Variants in ZNF609 observed in about 807,000 individuals in gnomAD.
ZNF609 encodes the protein zinc finger protein 609.
A neutral mutation model predicts 109.5 loss-of-function variants in ZNF609; 11 were observed. The observed-to-expected ratio is 0.10, with a 90% confidence interval of 0.06 to 0.17. ZNF609 has a LOEUF of 0.17. Ranked by LOEUF, ZNF609 falls within the 10% of genes least tolerant of loss-of-function variation. ZNF609 has a pLI of 1.00. For synonymous variants in ZNF609, 646 were observed against 662.0 expected, an observed-to-expected ratio of 0.98 and a Z score of 0.37; for missense variants, 1,559 against 1,772.4, an observed-to-expected ratio of 0.88 and a Z score of 2.16.
intron 4 of ZNF609, 26 bp from the exon 5 acceptor site, chr15:64,673,890 T>A (rs1415193095): frequency 6.3e-7 from 1 of 1,590,480 alleles, no homozygotes; most frequent in African/African-American, 1.3e-5. Context: ...CTTAATAATA[T>A]TCTGTTGTGT....
intron 2 of ZNF609, among the ~76,000 whole-genome samples, chr15:64,532,395 T>G (rs943074682): frequency 6.6e-6 from 1 of 152,228 alleles, no homozygotes. Context: ...TTTGTTTTGC[T>G]TTGTGAATCT....
intron 2 of ZNF609, among the ~76,000 whole-genome samples, chr15:64,604,394 A>G (rs1040159184): frequency 3.3e-5 from 5 of 152,104 alleles, no homozygotes; most frequent in Non-Finnish European, 1.5e-5. Context: ...GCCTTTTATG[A>G]TATTCTTGAT....
At chr15:64,664,777 C>G (rs916842954) in intron 3 of ZNF609, among the ~76,000 whole-genome samples, 1 of 152,156 alleles carries the variant, frequency 6.6e-6, no homozygotes, top group Non-Finnish European at 1.5e-5. Flanking sequence ...TTTCCAGCAC[C>G]TTGTTTGACC....
At chr15:64,671,579 C>A (rs1278838935) in intron 4 of ZNF609, among the ~76,000 whole-genome samples, 2 of 152,122 alleles carry the variant, frequency 1.3e-5, no homozygotes, top group African/African-American at 4.8e-5. Context: ...TTTCATGTCG[C>A]AATTTGACCT....
intron 1 of ZNF609, among the ~76,000 whole-genome samples, chr15:64,465,984 T>C (rs1334576811): frequency 6.6e-6 from 1 of 151,646 alleles, no homozygotes; most frequent in Non-Finnish European, 1.5e-5. Context: ...GGCTTGGTGG[T>C]GCACTCCTGT....
intron 2 of ZNF609, among the ~76,000 whole-genome samples, chr15:64,504,654 T>TA (rs1893607985): frequency 2.0e-5 from 3 of 150,746 alleles, no homozygotes; most frequent in African/African-American, 7.3e-5. Context: ...TTTTTTTTTT[T>TA]AATTTTAGTA....
intron 2 of ZNF609, among the ~76,000 whole-genome samples, chr15:64,545,927 C>T (rs968848675): frequency 3.3e-5 from 5 of 152,148 alleles, no homozygotes; most frequent in Non-Finnish European, 7.3e-5. Context: ...TGGATCATTT[C>T]CAACTTCTGG....
chr15:64,534,633 C>T (rs767824376), intron 2 of ZNF609, among the ~76,000 whole-genome samples: 3 of 151,508 alleles, frequency 2.0e-5, no homozygotes, highest in Non-Finnish European at 4.4e-5. Context: ...TTTTTTATAC[C>T]ATACCCACTT....
At chr15:64,504,642 T>G (rs1370063526) in intron 2 of ZNF609, among the ~76,000 whole-genome samples, 3 of 151,568 alleles carry the variant, frequency 2.0e-5, no homozygotes, top group East Asian at 1.9e-4. Context: ...GCTAGTTTTT[T>G]TTTTTTTTTT....
intron 2 of ZNF609, among the ~76,000 whole-genome samples, chr15:64,549,184 GT>G (rs1292279924): frequency 6.6e-6 from 1 of 151,968 alleles, no homozygotes; most frequent in Non-Finnish European, 1.5e-5. Flanking sequence ...GTTTGTTTTG[GT>G]TTTGGTTTGG....
chr15:64,666,361 T>G (rs563985596), intron 3 of ZNF609, among the ~76,000 whole-genome samples: 1 of 152,226 alleles, frequency 6.6e-6, no homozygotes, highest in African/African-American at 2.4e-5. Context: ...ACTACTGCAC[T>G]CTAGCTTGGA....
intron 3 of ZNF609, among the ~76,000 whole-genome samples, chr15:64,628,686 C>T (rs1181736985): frequency 4.6e-5 from 7 of 152,076 alleles, no homozygotes; most frequent in African/African-American, 9.7e-5. Flanking sequence ...AGTGCAATGG[C>T]GTGATCTCGG....
At chr15:64,657,806 C>A (rs1001263785) in intron 3 of ZNF609, among the ~76,000 whole-genome samples, 14 of 152,010 alleles carry the variant, frequency 9.2e-5, no homozygotes, top group African/African-American at 3.4e-4. Flanking sequence ...ATTTCAAAGG[C>A]AGAATGGGCA....
chr15:64,545,656 T>A (rs1045093328), intron 2 of ZNF609, among the ~76,000 whole-genome samples: 9 of 152,188 alleles, frequency 5.9e-5, no homozygotes, highest in African/African-American at 2.2e-4. Context: ...AGTTCCTTTG[T>A]GTCCCTTTAC....
At chr15:64,680,607 C>A in intron 7 of ZNF609, 39 bp from the exon 8 acceptor site, 1 of 1,511,450 alleles carries the variant, frequency 6.6e-7, no homozygotes. Flanking sequence ...GCATATGTGT[C>A]TCACTATAGT....
At chr15:64,567,764 C>T (rs868404014) in intron 2 of ZNF609, among the ~76,000 whole-genome samples, 2 of 151,880 alleles carry the variant, frequency 1.3e-5, no homozygotes, top group African/African-American at 2.4e-5. Context: ...CGGGTTCAAG[C>T]GATTCTCCTG....
intron 2 of ZNF609, among the ~76,000 whole-genome samples, chr15:64,591,626 C>G (rs1021674937): frequency 6.6e-6 from 1 of 152,092 alleles, no homozygotes; most frequent in Non-Finnish European, 1.5e-5. Context: ...TGCCTATAAT[C>G]CCAGCACTTT....
chr15:64,488,946 C>A (rs916747313), intron 1 of ZNF609, among the ~76,000 whole-genome samples: 1 of 145,490 alleles, frequency 6.9e-6, no homozygotes, highest in Non-Finnish European at 1.5e-5. Flanking sequence ...AAGAAAGAAA[C>A]AATTAGCCGG....
chr15:64,560,417 T>C (rs531826547), intron 2 of ZNF609, among the ~76,000 whole-genome samples: 8 of 152,088 alleles, frequency 5.3e-5, no homozygotes, highest in Non-Finnish European at 1.0e-4. Context: ...CTAGATGTTA[T>C]TCCATCTAGA....
Sources: gnomAD v4.1 joint callset for allele counts (sites outside exome capture counted in the v4.1 genomes callset) on GRCh38, gnomAD v4.1.1 for gene constraint, MANE v1.5 for transcripts, NCBI Gene and HGNC (gene_info 2026-07-23, HGNC 2026-07-21) for gene names.